Variants in TTC7B observed in about 807,000 individuals in gnomAD.
TTC7B encodes the protein tetratricopeptide repeat protein 7B.
TTC7B carries 28 observed loss-of-function variants against 106.8 expected under a neutral mutation model. The ratio of observed to expected loss-of-function variants is 0.26; its 90% confidence interval spans 0.19 to 0.36. The LOEUF is 0.36. TTC7B is among the 10% of genes least tolerant of loss of function. The pLI is 1.00. For synonymous variants in TTC7B, 405 were observed against 430.6 expected (o/e 0.94, Z 0.74); for missense variants, 862 against 1,076.4 (o/e 0.80, Z 2.79).
In TTC7B at chr14:90,577,994, C is replaced by T. The variant is rs1891325907; in HGVS notation, c.2310+112G>A. On this transcript the variant is annotated intron_variant, in intron 19 of 19. Transcript: ENST00000328459. This position sits in a 1 kb window ranked among gnomAD's most constrained non-coding sequence, Gnocchi z 5.0. ...GCCATGTGACAGCCTGGCAAGCTAA[C>T]TGCATGGGGCCTTTGGAAGCAGAAG... The T allele has an allele frequency of 1.5e-6, 2 of 1,322,218 alleles. No individual in the cohort carries two copies. Among genetic ancestry groups the T allele is most frequent in the South Asian group, 1.4e-5 (1 of 73,522 alleles). The allele number at this position is 1,322,218 out of a possible 1,614,324, so 81.9% of individuals were successfully genotyped here.
intron 8 of TTC7B, among the ~76,000 whole-genome samples, chr14:90,679,404 A>T (rs985943334): frequency 4.6e-5 from 7 of 151,972 alleles, no homozygotes; most frequent in Non-Finnish European, 7.4e-5. Context: ...TCCATTTTAT[A>T]CCTCCCATTA....
rs754515358 is a variant in TTC7B at position 90,578,089 on chromosome 14, C to A, written c.2310+17G>T. On this transcript the variant is annotated intron_variant, in intron 19 of 19. Coordinates refer to ENST00000328459, the MANE Select transcript of TTC7B (RefSeq NM_001010854.2). The surrounding 1 kb of genome is among the most constrained non-coding windows in gnomAD (Gnocchi z 4.7). ...CCCATGCCAGAGTAGGGGCCACCGC[C>A]GGGCTCGTGGACTCACCAGTCGCTG... 4 of 1,596,262 alleles carry A rather than the reference C, an allele frequency of 2.5e-6. No homozygotes were observed. Among genetic ancestry groups the A allele is most frequent in the Non-Finnish European group, 3.4e-6 (4 of 1,171,378 alleles).
chr14:90,727,227 T>A (rs1373799800), intron 5 of TTC7B, among the ~76,000 whole-genome samples: 1 of 152,062 alleles, frequency 6.6e-6, no homozygotes, highest in African/African-American at 2.4e-5. Flanking sequence ...CGATGTCCTG[T>A]CCGGGGTCAA....
intron 19 of TTC7B, among the ~76,000 whole-genome samples, chr14:90,561,676 G>A (rs939779270): frequency 1.5e-4 from 23 of 152,216 alleles, no homozygotes; most frequent in African/African-American, 4.3e-4. Context: ...TGTGGAAGCC[G>A]TTTCTAATTC....
chr14:90,682,457 C>T (rs545673390), intron 7 of TTC7B, among the ~76,000 whole-genome samples: 1 of 152,308 alleles, frequency 6.6e-6, no homozygotes, highest in South Asian at 2.1e-4. Flanking sequence ...AACAACTACA[C>T]ATTAGAAGGC....
At chr14:90,786,099 G>A in intron 2 of TTC7B, 75 bp downstream of exon 2, 3 of 1,445,732 alleles carry the variant, frequency 2.1e-6, no homozygotes, top group Non-Finnish European at 2.7e-6. Context: ...ACGTCACCCG[G>A]CTCAACCCTG....
At chr14:90,792,150 T>C (rs72695545) in intron 1 of TTC7B, among the ~76,000 whole-genome samples, 1 of 152,140 alleles carries the variant, frequency 6.6e-6, no homozygotes, top group Non-Finnish European at 1.5e-5. Flanking sequence ...GGTTTCATAG[T>C]TGCAGAGAGG....
rs537287044 is a variant in TTC7B at position 90,534,136 on chromosome 14, G to T, written c.*7232C>A. 26 of 152,532 alleles carry T rather than the reference G, an allele frequency of 1.7e-4. No individual in the cohort carries two copies. The highest frequency in any genetic ancestry group is 5.8e-4 in the African/African-American group (24 of 41,608). The allele number at this position is 152,532 out of a possible 1,614,324, so 9.4% of individuals were successfully genotyped here. A position where few individuals can be genotyped will look rare whatever the true frequency, so the allele number is the denominator to read the frequency against. ...GGGTCCCCCACGGTGTGACCTTGAG[G>T]GGGGGCCTCAGCCTGGCCCCCAAAA... On this transcript the variant is annotated 3_prime_UTR_variant, in exon 20 of 20. Coordinates refer to ENST00000328459, the MANE Select transcript of TTC7B (RefSeq NM_001010854.2).
At chr14:90,774,207 C>T (rs1364180996) in intron 3 of TTC7B, among the ~76,000 whole-genome samples, 1 of 152,140 alleles carries the variant, frequency 6.6e-6, no homozygotes, top group Admixed American at 6.5e-5. Flanking sequence ...AGGACAATGA[C>T]AGTCTGTAGC....
At chr14:90,715,534 A>C (rs974242597) in intron 5 of TTC7B, among the ~76,000 whole-genome samples, 2 of 152,234 alleles carry the variant, frequency 1.3e-5, no homozygotes, top group African/African-American at 4.8e-5. Context: ...AAGCACATTA[A>C]AATTACTCTC....
At chr14:90,734,393 CT>C (rs1206223311) in intron 4 of TTC7B, among the ~76,000 whole-genome samples, 1 of 147,938 alleles carries the variant, frequency 6.8e-6, no homozygotes. Flanking sequence ...GCACACCAGC[CT>C]GAGTGACAGA....
At chr14:90,764,186 A>G (rs1200928145) in intron 3 of TTC7B, among the ~76,000 whole-genome samples, 2 of 152,186 alleles carry the variant, frequency 1.3e-5, no homozygotes, top group African/African-American at 4.8e-5. Flanking sequence ...TTCAACAAGG[A>G]TGCCAAGACA....
chr14:90,596,560 A>T (rs986381327), intron 17 of TTC7B, among the ~76,000 whole-genome samples: 11 of 152,170 alleles, frequency 7.2e-5, no homozygotes, highest in Non-Finnish European at 2.9e-5. Flanking sequence ...TCTGATTCCA[A>T]ATCTGTCCTC....
At chr14:90,586,191 G>A (rs559143505) in intron 18 of TTC7B, among the ~76,000 whole-genome samples, 15 of 152,304 alleles carry the variant, frequency 9.8e-5, no homozygotes, top group Middle Eastern at 3.4e-3. Flanking sequence ...CCTGGCTGCC[G>A]CGATGCCGTC....
intron 17 of TTC7B, among the ~76,000 whole-genome samples, chr14:90,594,441 CCA>C (rs1461802886): frequency 1.3e-5 from 2 of 152,146 alleles, no homozygotes; most frequent in Non-Finnish European, 2.9e-5. Context: ...GGATCGGAGA[CCA>C]CCTCCTTAAA....
At chr14:90,794,102 C>T (rs1204714458) in intron 1 of TTC7B, among the ~76,000 whole-genome samples, 1 of 151,842 alleles carries the variant, frequency 6.6e-6, no homozygotes, top group Non-Finnish European at 1.5e-5. Flanking sequence ...AGGGTTTCAC[C>T]ATGTTGGCCA....
At chr14:90,593,197 T>G (rs1473285920) in intron 18 of TTC7B, among the ~76,000 whole-genome samples, 2 of 152,208 alleles carry the variant, frequency 1.3e-5, no homozygotes, top group Admixed American at 1.3e-4. Flanking sequence ...GCACCCCACA[T>G]GGCAAACTCC....
chr14:90,717,427 T>C (rs1343659139), intron 5 of TTC7B, among the ~76,000 whole-genome samples: 1 of 152,126 alleles, frequency 6.6e-6, no homozygotes, highest in African/African-American at 2.4e-5. Context: ...CATACAATCA[T>C]ATTACAGATT....
At chr14:90,709,193 C>T (rs1888333223) in intron 5 of TTC7B, among the ~76,000 whole-genome samples, 2 of 152,014 alleles carry the variant, frequency 1.3e-5, no homozygotes, top group African/African-American at 4.8e-5. Flanking sequence ...CGGGTATATA[C>T]CCAAAGGATT....
Sources: allele counts gnomAD v4.1 joint callset (sites outside exome capture counted in the v4.1 genomes callset), GRCh38; gene constraint gnomAD v4.1.1; non-coding constraint Gnocchi (gnomAD v3.1); transcripts MANE v1.5; gene names NCBI Gene and HGNC (gene_info 2026-07-23, HGNC 2026-07-21).